Variants in NLGN1 observed in about 807,000 individuals in gnomAD.
NLGN1 encodes neuroligin-1.
A neutral mutation model predicts 65.5 loss-of-function variants in NLGN1; 12 were observed. The observed-to-expected ratio is 0.18, with a 90% CI of 0.12 to 0.30. The LOEUF (loss-of-function observed/expected upper bound fraction) is 0.30. Among genes scored for constraint, NLGN1 ranks in the 10% least tolerant of loss-of-function variants. The probability of loss-of-function intolerance (pLI) is 1.00; values close to 1 mark genes in which losing one functional copy is unlikely to be tolerated. For missense variants in NLGN1, 750 were observed against 1,007.1 expected (o/e 0.74, Z 3.46); for synonymous variants, 350 against 359.5 (o/e 0.97, Z 0.30).
At chr3:174,096,788 T>C (rs1046987230) in intron 4 of NLGN1, among the ~76,000 whole-genome samples, 2 of 152,150 alleles carry the variant, frequency 1.3e-5, no homozygotes, top group Non-Finnish European at 2.9e-5. Context: ...TTGCTTTTTA[T>C]AATTAAGAAT....
chr3:173,804,827 G>A (rs947327891), intron 3 of NLGN1, among the ~76,000 whole-genome samples: 3 of 152,086 alleles, frequency 2.0e-5, no homozygotes, highest in South Asian at 4.1e-4. Context: ...AGGAGTTCAA[G>A]ACCAGTCTGG....
chr3:174,161,524 A>C (rs1726499764), intron 4 of NLGN1, among the ~76,000 whole-genome samples: 1 of 151,896 alleles, frequency 6.6e-6, no homozygotes, highest in South Asian at 2.1e-4. Flanking sequence ...AGAAGGCTTT[A>C]ATCATGTGCT....
At chr3:173,474,986 A>G (rs2148942626) in intron 2 of NLGN1, among the ~76,000 whole-genome samples, 1 of 152,226 alleles carries the variant, frequency 6.6e-6, no homozygotes, top group Non-Finnish European at 1.5e-5. Flanking sequence ...AAGAAAAGAC[A>G]GAAGTTATAC....
chr3:173,891,774 G>C (rs746106400), intron 4 of NLGN1, among the ~76,000 whole-genome samples: 3 of 152,050 alleles, frequency 2.0e-5, no homozygotes, highest in Non-Finnish European at 4.4e-5. Context: ...CTCATACCCG[G>C]TGTTCAAAAG....
At chr3:174,162,067 T>G (rs1726655753) in intron 4 of NLGN1, among the ~76,000 whole-genome samples, 1 of 151,840 alleles carries the variant, frequency 6.6e-6, no homozygotes, top group Non-Finnish European at 1.5e-5. Context: ...GGTAGTTACA[T>G]AAAAATACAG....
chr3:173,783,418 C>G (rs1259742663), intron 3 of NLGN1, among the ~76,000 whole-genome samples: 1 of 152,106 alleles, frequency 6.6e-6, no homozygotes, highest in Non-Finnish European at 1.5e-5. Context: ...CCTCAGTGTC[C>G]TCACCTGCTC....
At chr3:173,476,693 C>T (rs890973571) in intron 2 of NLGN1, among the ~76,000 whole-genome samples, 2 of 152,054 alleles carry the variant, frequency 1.3e-5, no homozygotes, top group Non-Finnish European at 2.9e-5. Flanking sequence ...TGGCAAGGTA[C>T]GGTTGCATTT....
chr3:173,458,452 C>T (rs531105102), intron 2 of NLGN1, among the ~76,000 whole-genome samples: 1 of 152,108 alleles, frequency 6.6e-6, no homozygotes, highest in African/African-American at 2.4e-5. Context: ...TTATCTTCTC[C>T]TCTGCATTCG....
intron 3 of NLGN1, among the ~76,000 whole-genome samples, chr3:173,774,337 A>G (rs1239438484): frequency 6.6e-6 from 1 of 152,206 alleles, no homozygotes; most frequent in Non-Finnish European, 1.5e-5. Flanking sequence ...ATCCTGCTAG[A>G]TAAAATGCTT....
chr3:173,802,632 A>G (rs911131087), intron 3 of NLGN1, among the ~76,000 whole-genome samples: 9 of 152,196 alleles, frequency 5.9e-5, no homozygotes, highest in African/African-American at 2.2e-4. Flanking sequence ...TTGACTCGAC[A>G]TCACTGGACA....
intron 4 of NLGN1, among the ~76,000 whole-genome samples, chr3:174,194,660 T>C (rs1733039779): frequency 6.6e-6 from 1 of 151,556 alleles, no homozygotes; most frequent in Admixed American, 6.6e-5. Flanking sequence ...AATGAGGATA[T>C]GTTTAAGAAG....
At chr3:173,543,470 C>T (rs1245230008) in intron 2 of NLGN1, among the ~76,000 whole-genome samples, 1 of 152,086 alleles carries the variant, frequency 6.6e-6, no homozygotes, top group African/African-American at 2.4e-5. Flanking sequence ...AGGATATACA[C>T]TGGGGTAAAA....
intron 4 of NLGN1, among the ~76,000 whole-genome samples, chr3:173,821,411 CTA>C (rs1720272208): frequency 6.6e-6 from 1 of 152,004 alleles, no homozygotes; most frequent in Non-Finnish European, 1.5e-5. Context: ...GAGTTTATTC[CTA>C]TGTTATTTAA....
chr3:173,521,178 C>T (rs1189180413), intron 2 of NLGN1, among the ~76,000 whole-genome samples: 2 of 152,156 alleles, frequency 1.3e-5, no homozygotes, highest in African/African-American at 4.8e-5. Flanking sequence ...CTGCTGAATG[C>T]ATGGCAGACA....
intron 4 of NLGN1, among the ~76,000 whole-genome samples, chr3:174,270,092 C>A (rs927960842): frequency 6.9e-6 from 1 of 144,714 alleles, no homozygotes; most frequent in Non-Finnish European, 1.5e-5. Flanking sequence ...ATATAATTTG[C>A]AATTGTTTTC....
At chr3:173,461,039 G>A (rs1244511971) in intron 2 of NLGN1, among the ~76,000 whole-genome samples, 1 of 152,162 alleles carries the variant, frequency 6.6e-6, no homozygotes, top group Non-Finnish European at 1.5e-5. Flanking sequence ...ATAGTATGGA[G>A]AGACAGTAGT....
intron 4 of NLGN1, among the ~76,000 whole-genome samples, chr3:174,089,256 A>G (rs1349456228): frequency 6.6e-6 from 1 of 152,204 alleles, no homozygotes; most frequent in African/African-American, 2.4e-5. Flanking sequence ...TCCCATAAAT[A>G]AACATATAAC....
chr3:174,134,060 TC>T (rs1459946294), intron 4 of NLGN1, among the ~76,000 whole-genome samples: 12 of 152,136 alleles, frequency 7.9e-5, no homozygotes, highest in Admixed American at 4.6e-4. Context: ...GTCTTCCTCC[TC>T]CTCAGCTTTA....
At chr3:173,797,883 C>G (rs889002573) in intron 3 of NLGN1, among the ~76,000 whole-genome samples, 1 of 152,046 alleles carries the variant, frequency 6.6e-6, no homozygotes, top group African/African-American at 2.4e-5. Flanking sequence ...CTTACTGTTG[C>G]AACTCATGTA....
Sources: allele counts gnomAD v4.1 joint callset (sites outside exome capture counted in the v4.1 genomes callset), GRCh38; gene constraint gnomAD v4.1.1; transcripts MANE v1.5; gene names NCBI Gene and HGNC (gene_info 2026-07-23, HGNC 2026-07-21).